Variants in METTL24 observed in about 807,000 individuals in gnomAD.
METTL24 encodes methyltransferase like 24, also known as probable methyltransferase-like protein 24.
METTL24 carries 29 observed loss-of-function variants against 32.7 expected under a neutral mutation model. The ratio of observed to expected loss-of-function variants is 0.89; its 90% CI spans 0.66 to 1.21. The LOEUF (loss-of-function observed/expected upper bound fraction) is 1.21, where lower values mean the gene tolerates loss of function less well. Among genes scored for constraint, METTL24 ranks in the 50% most tolerant of loss-of-function variants. The pLI, the probability that METTL24 is intolerant of heterozygous loss-of-function variation, is 0.00. For synonymous variants in METTL24, 163 were observed against 179.5 expected (o/e 0.91, Z 0.73); for missense variants, 439 against 468.1 (o/e 0.94, Z 0.57).
At chr6:110,287,476 G>T (rs545451500) in intron 4 of METTL24, among the ~76,000 whole-genome samples, 2 of 152,264 alleles carry the variant, frequency 1.3e-5, no homozygotes, top group African/African-American at 4.8e-5. Flanking sequence ...TACACAGAAA[G>T]ATAGACACCT....
chr6:110,258,821 C>T (rs977826040), intron 4 of METTL24, among the ~76,000 whole-genome samples: 53 of 146,394 alleles, frequency 3.6e-4, no homozygotes, highest in African/African-American at 1.3e-3. Flanking sequence ...CACACACACA[C>T]AACAAAACAA....
At chr6:110,286,678 T>C (rs928536177) in intron 4 of METTL24, among the ~76,000 whole-genome samples, 1 of 152,202 alleles carries the variant, frequency 6.6e-6, no homozygotes, top group Admixed American at 6.5e-5. Context: ...TAGTTAATAC[T>C]GAATGTCAAC....
chr6:110,322,789 A>G lies in METTL24; in HGVS notation c.402T>C (p.Tyr134=), dbSNP rs1452331010. Residue 134 remains tyrosine (Y), a synonymous_variant, in exon 2 of 5, where the codon TAT becomes TAC. Coordinates refer to ENST00000338882, the MANE Select transcript of METTL24 (RefSeq NM_001123364.3). ...GAAACACAACCTGGGTGGTGCTGAT[A>G]TATCTCAGGAACCTCCAGGCTTCTT... is the stretch of plus-strand genomic sequence containing the variant. ...LDEEAWRFLR[Y]ISTTQIACNH... The G allele has an allele frequency of 8.1e-6, 13 of 1,613,656 alleles. No homozygotes were observed. The highest frequency in any genetic ancestry group is 4.5e-5 in the East Asian group (2 of 44,872).
chr6:110,295,595 A>G (rs1052963668), intron 4 of METTL24, among the ~76,000 whole-genome samples: 3 of 152,214 alleles, frequency 2.0e-5, no homozygotes, highest in African/African-American at 7.2e-5. Context: ...CACAGTATTT[A>G]CTTTCTATAC....
Position 110,245,932 on chromosome 6 carries a change from T to C in METTL24, c.*14A>G. 3.1e-6 allele frequency: 5 copies of C among 1,594,000 alleles called. No homozygotes were observed. The highest frequency in any genetic ancestry group is 4.3e-6 in the Non-Finnish European group (5 of 1,169,564). ...TGCAAATATTTTCTTGTGCTCTTGA[T>C]GACATCCTGCATCCTATTTCCATCT... On this transcript the variant is annotated 3_prime_UTR_variant, in exon 5 of 5. Transcript: ENST00000338882.
At chr6:110,342,382 G>A (rs1179493115) in intron 1 of METTL24, among the ~76,000 whole-genome samples, 2 of 152,210 alleles carry the variant, frequency 1.3e-5, no homozygotes, top group African/African-American at 4.8e-5. Context: ...AGGCCAGCAT[G>A]TGGGCTCCAC....
intron 4 of METTL24, among the ~76,000 whole-genome samples, chr6:110,291,230 T>C (rs1017961323): frequency 2.6e-5 from 4 of 152,192 alleles, no homozygotes; most frequent in African/African-American, 9.7e-5. Context: ...TTTTTTATGG[T>C]TTATGCTAAG....
chr6:110,275,156 A>G (rs1166384306), intron 4 of METTL24, among the ~76,000 whole-genome samples: 1 of 151,632 alleles, frequency 6.6e-6, no homozygotes, highest in East Asian at 1.9e-4. Context: ...TTAGCTTGGA[A>G]TTGTCCACCT....
chr6:110,251,486 A>G (rs1299398029), intron 4 of METTL24, among the ~76,000 whole-genome samples: 2 of 152,252 alleles, frequency 1.3e-5, no homozygotes, highest in Admixed American at 1.3e-4. Flanking sequence ...TAAATAGGAC[A>G]AGTAAAGTAA....
chr6:110,357,926 G>C lies in METTL24; in HGVS notation c.318+29C>G, dbSNP rs756075000. Reference sequence around the variant, plus strand: ...GGTCGGGAGGGGGCTTCTGGTCCCAGGCCCAAGACCGACCGCTTTGCAACT... The same window carrying C: ...GGTCGGGAGGGGGCTTCTGGTCCCACGCCCAAGACCGACCGCTTTGCAACT... On this transcript the variant is annotated intron_variant, in intron 1 of 4. Transcript: ENST00000338882. 2.5e-6 allele frequency: 3 copies of C among 1,196,950 alleles called. No individual in the cohort carries two copies. In the South Asian group the frequency reaches 1.1e-4, roughly 46 times the overall value. 74.1% of individuals were successfully genotyped at this position (1,196,950 alleles called of 1,614,324 possible). A position where few individuals can be genotyped will look rare whatever the true frequency, so the allele number is the denominator to read the frequency against.
intron 4 of METTL24, among the ~76,000 whole-genome samples, chr6:110,281,323 G>T (rs1771131608): frequency 6.6e-6 from 1 of 152,130 alleles, no homozygotes; most frequent in South Asian, 2.1e-4. Context: ...TTGGGAAATT[G>T]AATTGAGACC....
At chr6:110,348,978 T>A (rs1173317635) in intron 1 of METTL24, among the ~76,000 whole-genome samples, 1 of 152,236 alleles carries the variant, frequency 6.6e-6, no homozygotes, top group Non-Finnish European at 1.5e-5. Context: ...TTCACTGTTC[T>A]GCTAAATTCA....
chr6:110,353,766 C>A (rs551806188), intron 1 of METTL24, among the ~76,000 whole-genome samples: 1 of 151,876 alleles, frequency 6.6e-6, no homozygotes, highest in African/African-American at 2.4e-5. Context: ...GCAAATGGGC[C>A]CTGTATGTTG....
chr6:110,253,753 G>A lies in METTL24; in HGVS notation c.787-7493C>T, dbSNP rs182446429. 1.7e-3 allele frequency: 1,056 copies of A among 625,548 alleles called. 1 individual carries two copies. Among genetic ancestry groups the A allele is most frequent in the Non-Finnish European group, 2.3e-3 (975 of 416,010 alleles). 38.7% of individuals were successfully genotyped at this position (625,548 alleles called of 1,614,324 possible). A position where few individuals can be genotyped will look rare whatever the true frequency, so the allele number is the denominator to read the frequency against. ...ACACACAAGACAAATTCTAACACAC[G>A]AGCATAACTGAAACACACATTTTCT... On this transcript the variant is annotated intron_variant, in intron 4 of 4. Transcript: ENST00000338882.
rs186892227 is a variant in METTL24, at chr6:110,334,658, G to A, written c.319-11786C>T. On this transcript the variant is annotated intron_variant, in intron 1 of 4. Transcript: ENST00000338882. ...TATCACATGGTTAAAGAGTAGCAGC[G>A]GTTTCCTCATGAGGCTATCACATCC... Among the ~76,000 whole-genome samples, 752 of 152,276 alleles carry A rather than the reference G, an allele frequency of 4.9e-3. 6 individuals carry two copies. Among genetic ancestry groups the A allele is most frequent in the Non-Finnish European group, 6.8e-3 (466 of 68,036 alleles).
At chr6:110,295,787 AAG>A (rs1491169705) in intron 4 of METTL24, among the ~76,000 whole-genome samples, 2 of 145,054 alleles carry the variant, frequency 1.4e-5, no homozygotes, top group Non-Finnish European at 3.0e-5. Context: ...AAAGAAAAGA[AAG>A]AAAGAAAGGA....
chr6:110,270,029 G>A (rs1770926270), intron 4 of METTL24, among the ~76,000 whole-genome samples: 2 of 152,140 alleles, frequency 1.3e-5, no homozygotes, highest in Non-Finnish European at 2.9e-5. Context: ...GAATCGACAT[G>A]CTGGGGATTT....
chr6:110,245,180 G>C lies in METTL24; in HGVS notation c.*766C>G, dbSNP rs7752085. Among the ~76,000 whole-genome samples the C allele has an allele frequency of 7.2e-5, 11 of 152,174 alleles. No individual in the cohort carries two copies. Among genetic ancestry groups the C allele is most frequent in the African/African-American group, 2.7e-4 (11 of 41,432 alleles). ...TAAATAAATCAGATTCTTCACCTCA[G>C]TGTAAGTGGACCTCATTCAACCAGT... On this transcript the variant is annotated 3_prime_UTR_variant, in exon 5 of 5. Transcript: ENST00000338882.
chr6:110,350,087 C>T lies in METTL24; in HGVS notation c.318+7868G>A, dbSNP rs545811236. Among the ~76,000 whole-genome samples, 178 of 152,282 alleles carry T rather than the reference C, an allele frequency of 1.2e-3. 1 individual carries two copies. Among genetic ancestry groups the T allele is most frequent in the African/African-American group, 4.2e-3 (173 of 41,554 alleles). Reference sequence around the variant, plus strand: ...TGCAGGTGTGTCTAAATGGTGAAGCCTAGGTCACATGAATGCACTTTGGGT... The same window carrying T: ...TGCAGGTGTGTCTAAATGGTGAAGCTTAGGTCACATGAATGCACTTTGGGT... On this transcript the variant is annotated intron_variant, in intron 1 of 4. Transcript: ENST00000338882.
Sources: gnomAD v4.1 joint callset for allele counts (sites outside exome capture counted in the v4.1 genomes callset) on GRCh38, gnomAD v4.1.1 for gene constraint, MANE v1.5 for transcripts, NCBI Gene and HGNC (gene_info 2026-07-23, HGNC 2026-07-21) for gene names.